Variants in GAN observed in about 807,000 individuals in gnomAD.
GAN encodes epididymis secretory sperm binding protein.
GAN carries 48 observed loss-of-function variants against 71.3 expected under a neutral mutation model. The ratio of observed to expected loss-of-function variants is 0.67; its 90% CI spans 0.53 to 0.86. The LOEUF is 0.86. GAN is among the 40% of genes least tolerant of loss of function. The pLI, the probability that GAN is intolerant of heterozygous loss-of-function variation, is 0.00. For missense variants in GAN, 928 were observed against 770.1 expected (o/e 1.21, Z -2.43); for synonymous variants, 386 against 276.8 (o/e 1.39, Z -3.92).
intron 2 of GAN, among the ~76,000 whole-genome samples, chr16:81,352,507 C>T (rs551098373): frequency 1.3e-5 from 2 of 152,114 alleles, no homozygotes. Flanking sequence ...GAATGCATTT[C>T]ATCTTTATTC....
intron 9 of GAN, among the ~76,000 whole-genome samples, chr16:81,372,836 GGT>G (rs1911079327): frequency 6.6e-6 from 1 of 152,212 alleles, no homozygotes; most frequent in African/African-American, 2.4e-5. Context: ...ATCTTTCAAA[GGT>G]GTGTTCAGGG....
chr16:81,390,487 T>C lies in GAN; in HGVS notation c.*12891T>C, dbSNP rs1053030182. 5 of 152,234 alleles carry C rather than the reference T, an allele frequency of 3.3e-5. No individual in the cohort carries two copies. The highest frequency in any genetic ancestry group is 1.2e-4 in the African/African-American group (5 of 41,464). The allele number at this position is 152,234 out of a possible 1,614,324, so 9.4% of individuals were successfully genotyped here. A position where few individuals can be genotyped will look rare whatever the true frequency, so the allele number is the denominator to read the frequency against. ...CGCACTTTGTTTACATGCTTCAGTATATTGTGGGGTTGGTCCCTTCTCACG... is the reference window on the plus strand; with the variant it reads ...CGCACTTTGTTTACATGCTTCAGTACATTGTGGGGTTGGTCCCTTCTCACG... On this transcript the variant is annotated 3_prime_UTR_variant, in exon 11 of 11. Transcript: ENST00000648994.
intron 1 of GAN, among the ~76,000 whole-genome samples, chr16:81,350,767 C>T (rs1597399584): frequency 6.6e-6 from 1 of 152,160 alleles, no homozygotes; most frequent in Admixed American, 6.5e-5. Context: ...GAGCTACCCA[C>T]CTCGGCCTCC....
chr16:81,329,956 A>T (rs1411666635), intron 1 of GAN, among the ~76,000 whole-genome samples: 1 of 152,090 alleles, frequency 6.6e-6, no homozygotes, highest in African/African-American at 2.4e-5. Flanking sequence ...TCCTCCATTG[A>T]CTGTGTGGGT....
chr16:81,352,677 A>G (rs928091251), intron 2 of GAN, among the ~76,000 whole-genome samples: 16 of 152,120 alleles, frequency 1.1e-4, no homozygotes, highest in Non-Finnish European at 8.8e-5. Flanking sequence ...AAACGCAGTG[A>G]TTCTCATCCT....
In GAN at chr16:81,365,389, T is replaced by C; in HGVS notation, c.1413T>C (p.Tyr471=). The change falls in exon 9 of 11, where the codon TAT becomes TAC. Residue 471 remains tyrosine (Y), a synonymous_variant. Coordinates refer to ENST00000648994, the MANE Select transcript of GAN (RefSeq NM_022041.4). ...CCTGTGGAGTTGCTATGGAGCTGTA[T>C]GTGTTTGGGGGAGTCCGAAGTCGTG... ...AVACGVAMEL[Y]VFGGVRSRED... is the part of the protein sequence containing the mutation. 6.2e-7 allele frequency: 1 copy of C among 1,613,646 alleles called. No homozygotes were observed. The highest frequency in any genetic ancestry group is 1.1e-5 in the South Asian group (1 of 91,038).
At chr16:81,327,842 C>T (rs907655595) in intron 1 of GAN, among the ~76,000 whole-genome samples, 1 of 152,166 alleles carries the variant, frequency 6.6e-6, no homozygotes, top group Non-Finnish European at 1.5e-5. Context: ...GCATGGGGGT[C>T]TTAAGGTTAT....
intron 1 of GAN, among the ~76,000 whole-genome samples, chr16:81,334,319 C>G (rs1312237958): frequency 6.6e-6 from 1 of 152,180 alleles, no homozygotes; most frequent in East Asian, 1.9e-4. Flanking sequence ...GGAGTTGCTT[C>G]TGCACCTCCA....
At chr16:81,355,406 A>G (rs1476191371) in intron 3 of GAN, among the ~76,000 whole-genome samples, 4 of 152,220 alleles carry the variant, frequency 2.6e-5, no homozygotes, top group South Asian at 4.1e-4. Context: ...CCCAGGCTGA[A>G]GGGCAGTAGC....
At chr16:81,368,052 A>G (rs1031894029) in intron 9 of GAN, among the ~76,000 whole-genome samples, 1 of 152,242 alleles carries the variant, frequency 6.6e-6, no homozygotes, top group Admixed American at 6.5e-5. Context: ...TTTTTAAGTA[A>G]TCTCTTGTCT....
chr16:81,383,827 G>A lies in GAN; in HGVS notation c.*6231G>A, dbSNP rs1234754909. On this transcript the variant is annotated 3_prime_UTR_variant, in exon 11 of 11. Coordinates refer to ENST00000648994, the MANE Select transcript of GAN (RefSeq NM_022041.4). ...CGAGTAGACACTGAATAGGATCCAC[G>A]TAAATGAACGGCCATTTCAAATCAT... 17 of 152,228 alleles carry A rather than the reference G, an allele frequency of 1.1e-4. No homozygotes were observed. The highest frequency in any genetic ancestry group is 3.4e-3 in the Middle Eastern group (1 of 294). The allele number at this position is 152,228 out of a possible 1,614,324, so 9.4% of individuals were successfully genotyped here. A position where few individuals can be genotyped will look rare whatever the true frequency, so the allele number is the denominator to read the frequency against.
rs1597407154 is a variant in GAN at position 81,365,126 on chromosome 16, G to A, written c.1373+16G>A. The stretch of plus-strand genomic sequence containing the variant: ...AAGAGAGGAGGTACGTGGCTGTGGG[G>A]TGGACTTTGTAGATTCCCTTGCTGT... On this transcript the variant is annotated intron_variant, in intron 8 of 10. Coordinates refer to ENST00000648994, the MANE Select transcript of GAN (RefSeq NM_022041.4). 3 of 1,612,618 alleles carry A rather than the reference G, an allele frequency of 1.9e-6. No individual in the cohort carries two copies. The highest frequency in any genetic ancestry group is 1.7e-6 in the Non-Finnish European group (2 of 1,179,330).
chr16:81,326,490 G>T (rs534192740), intron 1 of GAN, among the ~76,000 whole-genome samples: 4 of 152,122 alleles, frequency 2.6e-5, no homozygotes, highest in Non-Finnish European at 4.4e-5. Context: ...ACGAGATCGC[G>T]CCATTGCGCT....
rs1904288985 is a variant in GAN at position 81,378,273 on chromosome 16, A to G, written c.*677A>G. On this transcript the variant is annotated 3_prime_UTR_variant, in exon 11 of 11. Transcript: ENST00000648994. ...ATTGATGAGTCAGGTTGCAGCCCTCATGTGAACTGAAAGAAGTTGCTCGCT... is the reference window on the plus strand; with the variant it reads ...ATTGATGAGTCAGGTTGCAGCCCTCGTGTGAACTGAAAGAAGTTGCTCGCT... 1 of 154,530 alleles carries G rather than the reference A, an allele frequency of 6.5e-6. No homozygotes were observed. Among genetic ancestry groups the G allele is most frequent in the South Asian group, 2.0e-4 (1 of 4,980 alleles). 9.6% of individuals were successfully genotyped at this position (154,530 alleles called of 1,614,324 possible).
chr16:81,333,117 C>G (rs1323433483), intron 1 of GAN, among the ~76,000 whole-genome samples: 1 of 151,940 alleles, frequency 6.6e-6, no homozygotes, highest in African/African-American at 2.4e-5. Context: ...TGGCACGCAC[C>G]TGTAGTCTCA....
At position 81,335,545 on chromosome 16, in the gene GAN, G is replaced by A. The variant is rs533256525; in HGVS notation, c.168-16038G>A. Among the ~76,000 whole-genome samples the A allele has an allele frequency of 8.5e-5, 13 of 152,078 alleles. No individual in the cohort carries two copies. In the East Asian group the frequency reaches 1.7e-3, roughly 20 times the overall value. On this transcript the variant is annotated intron_variant, in intron 1 of 10. Coordinates refer to ENST00000648994, the MANE Select transcript of GAN (RefSeq NM_022041.4). The stretch of plus-strand genomic sequence containing the variant: ...GCAGATCAACTGAGGTCAGGAGTTC[G>A]AGACCAGCCTGGCCAATGTGGTGAA...
intron 1 of GAN, among the ~76,000 whole-genome samples, chr16:81,331,824 G>T (rs145910640): frequency 5.1e-4 from 77 of 152,346 alleles, no homozygotes; most frequent in Non-Finnish European, 8.8e-4. Context: ...GGGGTCTTCA[G>T]TATGTCAGAA....
intron 4 of GAN, among the ~76,000 whole-genome samples, chr16:81,357,495 C>G (rs1385279368): frequency 6.6e-6 from 1 of 152,142 alleles, no homozygotes; most frequent in Non-Finnish European, 1.5e-5. Flanking sequence ...TTTTCTTAAT[C>G]CAGTCTATCA....
rs538449411 is a variant in GAN, at chr16:81,331,950, G to C, written c.167+16670G>C. Reference sequence around the variant, plus strand: ...GGTCAAGGCGGGCGGATCACCTGAGGTCGGGAGTTTGAGACCAGCCTGACC... The same window carrying C: ...GGTCAAGGCGGGCGGATCACCTGAGCTCGGGAGTTTGAGACCAGCCTGACC... On this transcript the variant is annotated intron_variant, in intron 1 of 10. Coordinates refer to ENST00000648994, the MANE Select transcript of GAN (RefSeq NM_022041.4). 4.0e-4 allele frequency among the ~76,000 whole-genome samples: 61 copies of C among 152,122 alleles called. No individual in the cohort carries two copies. The South Asian group carries it at 8.3e-3, about 21-fold the overall frequency.
Sources: gnomAD v4.1 joint callset for allele counts (sites outside exome capture counted in the v4.1 genomes callset) on GRCh38, gnomAD v4.1.1 for gene constraint, MANE v1.5 for transcripts, NCBI Gene and HGNC (gene_info 2026-07-23, HGNC 2026-07-21) for gene names.